The following PCCA variants were observed in gnomAD, a reference collection of about 807,000 sequenced individuals.
PCCA encodes propionyl-CoA carboxylase alpha chain, mitochondrial.
A neutral mutation model predicts 101.3 loss-of-function variants in PCCA; 74 were observed. The ratio of observed to expected loss-of-function variants is 0.73; its 90% CI spans 0.61 to 0.89. The LOEUF (loss-of-function observed/expected upper bound fraction) is 0.89, where lower values mean the gene tolerates loss of function less well. PCCA is among the 40% of genes least tolerant of loss of function. The probability of loss-of-function intolerance (pLI) is 0.00; values close to 1 mark genes in which losing one functional copy is unlikely to be tolerated. For synonymous variants in PCCA, 294 were observed against 313.6 expected, an observed-to-expected ratio of 0.94 and a Z score of 0.66; for missense variants, 891 against 907.0, an observed-to-expected ratio of 0.98 and a Z score of 0.23.
chr13:100,511,243 G>C (rs2086455688), intron 21 of PCCA, among the ~76,000 whole-genome samples: 1 of 152,078 alleles, frequency 6.6e-6, no homozygotes, highest in Non-Finnish European at 1.5e-5. Context: ...CATCATTTTT[G>C]CATTTCGCGC....
intron 18 of PCCA, among the ~76,000 whole-genome samples, chr13:100,347,884 A>G (rs2072523516): frequency 6.6e-6 from 1 of 152,194 alleles, no homozygotes; most frequent in Non-Finnish European, 1.5e-5. Context: ...AGTTTATTGT[A>G]AAATTGCTAC....
At chr13:100,139,425 TTTTCTCTC>T (rs1438920769) in intron 4 of PCCA, among the ~76,000 whole-genome samples, 1 of 152,048 alleles carries the variant, frequency 6.6e-6, no homozygotes, top group Non-Finnish European at 1.5e-5. Flanking sequence ...TCTACTCTTT[TTTTCTCTC>T]TTGTTTCAGA....
chr13:100,170,639 A>G (rs1045303717), intron 6 of PCCA, among the ~76,000 whole-genome samples: 1 of 152,314 alleles, frequency 6.6e-6, no homozygotes, highest in African/African-American at 2.4e-5. Flanking sequence ...ACATGTTCCT[A>G]GCTTTTTATT....
At chr13:100,091,505 C>G (rs2046277828) in intron 1 of PCCA, among the ~76,000 whole-genome samples, 3 of 152,190 alleles carry the variant, frequency 2.0e-5, no homozygotes, top group Admixed American at 2.0e-4. Context: ...CACTATCACT[C>G]TAGGGGAACT....
At chr13:100,306,004 G>C (rs2066416122) in intron 14 of PCCA, among the ~76,000 whole-genome samples, 1 of 152,140 alleles carries the variant, frequency 6.6e-6, no homozygotes, top group Non-Finnish European at 1.5e-5. Flanking sequence ...ATAGTAGTGT[G>C]AATTTTAAGA....
intron 19 of PCCA, among the ~76,000 whole-genome samples, chr13:100,384,900 A>G (rs1567044203): frequency 6.6e-6 from 1 of 152,254 alleles, no homozygotes; most frequent in East Asian, 1.9e-4. Flanking sequence ...CTATAATTCT[A>G]TTTAGAAAAC....
chr13:100,258,363 A>G (rs545841178), intron 9 of PCCA, among the ~76,000 whole-genome samples: 1 of 152,184 alleles, frequency 6.6e-6, no homozygotes, highest in Non-Finnish European at 1.5e-5. Context: ...AATGGGAGAT[A>G]CTGTTGTGGC....
intron 19 of PCCA, among the ~76,000 whole-genome samples, chr13:100,413,444 A>G (rs1214838230): frequency 6.6e-6 from 1 of 152,242 alleles, no homozygotes; most frequent in Non-Finnish European, 1.5e-5. Flanking sequence ...GATGAAATTA[A>G]GAGAATAAAT....
rs577386539 is a variant in PCCA at position 100,366,605 on chromosome 13, C to T, written c.1644-1867C>T. ...CCCTTTCTTCCCTTCTTCCTTTCTGCTCAGACCTCCTTTTCTTTCCCTCTC... is the reference window on the plus strand; with the variant it reads ...CCCTTTCTTCCCTTCTTCCTTTCTGTTCAGACCTCCTTTTCTTTCCCTCTC... On this transcript the variant is annotated intron_variant, in intron 18 of 23. Transcript: ENST00000376285. 2.0e-4 allele frequency among the ~76,000 whole-genome samples: 31 copies of T among 152,192 alleles called. No individual in the cohort carries two copies. The South Asian group carries it at 5.8e-3, about 29-fold the overall frequency.
intron 21 of PCCA, among the ~76,000 whole-genome samples, chr13:100,450,088 A>G (rs879792254): frequency 3.3e-5 from 5 of 152,324 alleles, no homozygotes; most frequent in Non-Finnish European, 5.9e-5. Flanking sequence ...ATTTGTTTAA[A>G]AAGGTACCTT....
intron 18 of PCCA, among the ~76,000 whole-genome samples, chr13:100,344,069 T>G (rs1341691369): frequency 6.6e-6 from 1 of 152,194 alleles, no homozygotes; most frequent in Non-Finnish European, 1.5e-5. Context: ...AGCGAGACCC[T>G]GTCTCAAAGT....
intron 12 of PCCA, among the ~76,000 whole-genome samples, chr13:100,288,791 C>T (rs958510197): frequency 6.6e-6 from 1 of 151,738 alleles, no homozygotes; most frequent in Non-Finnish European, 1.5e-5. Flanking sequence ...TTCCTTTTTC[C>T]CTTCTTTTCT....
chr13:100,444,906 T>C (rs2080706151), intron 20 of PCCA, among the ~76,000 whole-genome samples: 1 of 152,200 alleles, frequency 6.6e-6, no homozygotes, highest in Admixed American at 6.5e-5. Flanking sequence ...TAAAGTTGCA[T>C]ATATTTGTCA....
At chr13:100,321,931 C>G (rs566806549) in intron 16 of PCCA, among the ~76,000 whole-genome samples, 10 of 152,184 alleles carry the variant, frequency 6.6e-5, no homozygotes, top group Admixed American at 3.9e-4. Context: ...GGAGGGTATA[C>G]ATGTTAAGCT....
At chr13:100,427,272 T>C (rs539591017) in intron 20 of PCCA, among the ~76,000 whole-genome samples, 3 of 152,222 alleles carry the variant, frequency 2.0e-5, no homozygotes, top group Non-Finnish European at 4.4e-5. Flanking sequence ...TATACTGGTT[T>C]ATGTTCGATA....
intron 21 of PCCA, among the ~76,000 whole-genome samples, chr13:100,458,384 A>ACACACG (rs1248726146): frequency 1.4e-5 from 2 of 144,508 alleles, no homozygotes; most frequent in Non-Finnish European, 3.0e-5. Flanking sequence ...ACACACACAC[A>ACACACG]CACGCACATA....
At chr13:100,211,991 CG>C (rs994905216) in intron 7 of PCCA, among the ~76,000 whole-genome samples, 5 of 152,260 alleles carry the variant, frequency 3.3e-5, no homozygotes, top group African/African-American at 1.2e-4. Context: ...TCCTTCCCCT[CG>C]GCCTCCCAAA....
intron 16 of PCCA, among the ~76,000 whole-genome samples, chr13:100,325,897 C>T (rs74808114): frequency 0.025 from 3,841 of 152,246 alleles, 69 homozygotes; most frequent in South Asian, 0.065. Context: ...ATGTGTTTAA[C>T]ATCGAAGGTG....
intron 21 of PCCA, among the ~76,000 whole-genome samples, chr13:100,500,595 A>G (rs901236228): frequency 3.9e-5 from 6 of 152,212 alleles, no homozygotes; most frequent in African/African-American, 9.7e-5. Context: ...CCTCTCTCCC[A>G]GAAGATAGTG....
Sources: gnomAD v4.1 joint callset for allele counts (sites outside exome capture counted in the v4.1 genomes callset) on GRCh38, gnomAD v4.1.1 for gene constraint, MANE v1.5 for transcripts, NCBI Gene and HGNC (gene_info 2026-07-23, HGNC 2026-07-21) for gene names.